Variants in EIF2AK4 observed in about 807,000 individuals in gnomAD.
EIF2AK4 encodes the protein eukaryotic translation initiation factor 2 alpha kinase 4.
EIF2AK4 carries 139 observed loss-of-function variants against 211.1 expected under a neutral mutation model. The ratio of observed to expected loss-of-function variants is 0.66; its 90% CI spans 0.57 to 0.76. EIF2AK4 has a LOEUF of 0.76. Among genes scored for constraint, EIF2AK4 ranks in the 30% least tolerant of loss-of-function variants. EIF2AK4 has a pLI of 0.00. For synonymous variants in EIF2AK4, 710 were observed against 751.3 expected, an observed-to-expected ratio of 0.94 and a Z score of 0.90; for missense variants, 1,664 against 2,043.8, an observed-to-expected ratio of 0.81 and a Z score of 3.58.
chr15:40,014,513 C>A (rs1947040537), intron 27 of EIF2AK4, among the ~76,000 whole-genome samples: 1 of 152,244 alleles, frequency 6.6e-6, no homozygotes, highest in Non-Finnish European at 1.5e-5. Flanking sequence ...ACCTTGGCCC[C>A]CTTTAGCCAT....
Position 39,978,197 on chromosome 15 carries a change from G to A in EIF2AK4, c.2319+50G>A, listed in dbSNP as rs568643160. The A allele has an allele frequency of 4.0e-4, 439 of 1,111,316 alleles. 4 individuals carry two copies. In the South Asian group the frequency reaches 7.0e-3, roughly 18 times the overall value. 68.8% of individuals were successfully genotyped at this position (1,111,316 alleles called of 1,614,324 possible). A position where few individuals can be genotyped will look rare whatever the true frequency, so the allele number is the denominator to read the frequency against. Reference sequence around the variant, plus strand: ...TCATTTTATTCGTGATATAATTGACGTCTGATGTCATAAACCTTAGGTAAA... The same window carrying A: ...TCATTTTATTCGTGATATAATTGACATCTGATGTCATAAACCTTAGGTAAA... On this transcript the variant is annotated intron_variant, in intron 13 of 38. Coordinates refer to ENST00000263791, the MANE Select transcript of EIF2AK4 (RefSeq NM_001013703.4).
chr15:40,001,072 C>G lies in EIF2AK4; in HGVS notation c.3007C>G (p.Pro1003Ala). Reference protein sequence around the residue: ...TELLKSELLPPPQMEESELHE... With the variant: ...TELLKSELLPAPQMEESELHE... ...ACTGCTCAAGAGTGAGCTGCTGCCC[C>G]CACCCCAGATGGAGGAGTCAGAGCT... Residue 1003 changes from proline (P) to alanine (A), a missense_variant, in exon 21 of 39, where the codon CCA (proline) becomes GCA (alanine). Physicochemically the swap from Pro to Ala is conservative, Grantham distance 27 (BLOSUM62 -1). Transcript: ENST00000263791. 1.2e-6 allele frequency: 2 copies of G among 1,614,198 alleles called. No individual in the cohort carries two copies. Among genetic ancestry groups the G allele is most frequent in the Non-Finnish European group, 1.7e-6 (2 of 1,180,040 alleles).
At chr15:39,961,485 GTTTTA>G (rs2034471199) in intron 6 of EIF2AK4, among the ~76,000 whole-genome samples, 1 of 152,204 alleles carries the variant, frequency 6.6e-6, no homozygotes, top group Non-Finnish European at 1.5e-5. Context: ...TGAATTTTCA[GTTTTA>G]TTTTAATAGC....
At chr15:40,017,036 C>T in intron 28 of EIF2AK4, 72 bp from the exon 29 acceptor site, 1 of 1,563,698 alleles carries the variant, frequency 6.4e-7, no homozygotes, top group South Asian at 1.1e-5. Flanking sequence ...TGGGAAACAC[C>T]ATTTTCAGCA....
At chr15:40,032,644 T>C (rs2035559072) in intron 36 of EIF2AK4, 113 bp from the exon 37 acceptor site, 2 of 907,246 alleles carry the variant, frequency 2.2e-6, no homozygotes, top group Middle Eastern at 2.2e-4. Context: ...TACAGCACAA[T>C]AGCATCTCAG....
At chr15:39,987,654 G>A (rs575400509) in intron 14 of EIF2AK4, among the ~76,000 whole-genome samples, 4 of 152,030 alleles carry the variant, frequency 2.6e-5, no homozygotes, top group East Asian at 1.9e-4. Context: ...GTTTGGAAGC[G>A]ATCTTGTAAA....
Position 39,973,840 on chromosome 15 carries a change from G to A in EIF2AK4, c.1818+91G>A, listed in dbSNP as rs546083830. The A allele has an allele frequency of 1.7e-5, 25 of 1,469,666 alleles. No homozygotes were observed. In the South Asian group the frequency reaches 2.3e-4, roughly 14 times the overall value. 91.0% of individuals were successfully genotyped at this position (1,469,666 alleles called of 1,614,324 possible). On this transcript the variant is annotated intron_variant, in intron 11 of 38. Coordinates refer to ENST00000263791, the MANE Select transcript of EIF2AK4 (RefSeq NM_001013703.4). ...CATGGACTTTACTTTTATTTTGGGAGTGGGGAGGGAAGTGAATATGGCTGT... is the reference window on the plus strand; with the variant it reads ...CATGGACTTTACTTTTATTTTGGGAATGGGGAGGGAAGTGAATATGGCTGT...
chr15:40,019,258 T>C, intron 30 of EIF2AK4, 58 bp downstream of exon 30: 1 of 1,374,354 alleles, frequency 7.3e-7, no homozygotes, highest in Admixed American at 2.7e-5. Flanking sequence ...TCTAAAAGTA[T>C]GATTTGCCTT....
intron 12 of EIF2AK4, chr15:39,977,080 C>T (rs2034709598): frequency 2.4e-6 from 1 of 423,288 alleles, no homozygotes; most frequent in Admixed American, 4.4e-5. Context: ...CCACCAAGTC[C>T]AAGCCAGGGA....
intron 7 of EIF2AK4, among the ~76,000 whole-genome samples, chr15:39,964,774 A>C (rs12906976): frequency 1.3e-5 from 2 of 152,020 alleles, no homozygotes; most frequent in Non-Finnish European, 1.5e-5. Context: ...TCCCTGTGTA[A>C]GTGAGAACCA....
rs773906742 is a variant in EIF2AK4, at chr15:39,988,095, T to C, written c.2516T>C (p.Ile839Thr). Residue 839 changes from isoleucine (I) to threonine (T), a missense_variant, in exon 15 of 39, where the codon ATC becomes ACC. By Grantham distance (89) the Ile-to-Thr change is moderately conservative. Transcript: ENST00000263791. ...GAGATTCTGGATGGATTAGCTTATATCCATGAGAAAGTAAACTTTACAACA... is the reference window on the plus strand; with the variant it reads ...GAGATTCTGGATGGATTAGCTTATACCCATGAGAAAGTAAACTTTACAACA... ...FREILDGLAYIHEKGMIHRDL... is the reference protein window; with the variant it reads ...FREILDGLAYTHEKGMIHRDL... 1.1e-5 allele frequency: 18 copies of C among 1,614,126 alleles called. No individual in the cohort carries two copies. Among genetic ancestry groups the C allele is most frequent in the Non-Finnish European group, 1.5e-5 (18 of 1,180,006 alleles).
At chr15:39,942,942 A>T (rs1190164869) in intron 2 of EIF2AK4, among the ~76,000 whole-genome samples, 1 of 151,992 alleles carries the variant, frequency 6.6e-6, no homozygotes, top group East Asian at 1.9e-4. Context: ...GTTAATTCTC[A>T]TTGGCTGCAA....
chr15:39,960,256 G>A (rs982673036), intron 6 of EIF2AK4, among the ~76,000 whole-genome samples: 4 of 152,136 alleles, frequency 2.6e-5, no homozygotes, highest in Non-Finnish European at 4.4e-5. Context: ...TGTAGGAGGG[G>A]TTTGAGGAAA....
intron 3 of EIF2AK4, among the ~76,000 whole-genome samples, chr15:39,944,432 CTTTTTT>C (rs55669603): frequency 1.7e-5 from 2 of 121,198 alleles, no homozygotes; most frequent in African/African-American, 3.4e-5. Flanking sequence ...TTAACGATCT[CTTTTTT>C]TTTTTTTTTT....
intron 32 of EIF2AK4, 110 bp from the exon 33 acceptor site, chr15:40,025,867 T>G (rs1454815983): frequency 9.3e-7 from 1 of 1,069,754 alleles, no homozygotes; most frequent in Non-Finnish European, 1.3e-6. Flanking sequence ...TGACCCTGGT[T>G]AAGAACCACT....
intron 1 of EIF2AK4, among the ~76,000 whole-genome samples, chr15:39,934,720 G>T (rs1175526135): frequency 1.3e-5 from 2 of 152,158 alleles, no homozygotes; most frequent in African/African-American, 4.8e-5. Context: ...TTGCTACTTT[G>T]TTCTGAGAAC....
chr15:39,939,665 T>A, intron 2 of EIF2AK4, 48 bp downstream of exon 2: 1 of 1,466,520 alleles, frequency 6.8e-7, no homozygotes, highest in Non-Finnish European at 9.4e-7. Context: ...TTTTCTGTTT[T>A]GACAACATAG....
intron 23 of EIF2AK4, among the ~76,000 whole-genome samples, chr15:40,005,160 T>C (rs2035143603): frequency 1.3e-5 from 2 of 152,240 alleles, no homozygotes. Flanking sequence ...TCTGTCATTT[T>C]ATATCAGGAA....
At chr15:39,993,998 G>A (rs1198883193) in intron 18 of EIF2AK4, among the ~76,000 whole-genome samples, 1 of 152,208 alleles carries the variant, frequency 6.6e-6, no homozygotes, top group African/African-American at 2.4e-5. Context: ...ATGAGGAAGG[G>A]AAAGAGTCCA....
Sources: allele counts gnomAD v4.1 joint callset (sites outside exome capture counted in the v4.1 genomes callset), GRCh38; gene constraint gnomAD v4.1.1; transcripts MANE v1.5; gene names NCBI Gene and HGNC (gene_info 2026-07-23, HGNC 2026-07-21).